SMUG1: variants seen among roughly 807,000 people sequenced by gnomAD.
SMUG1 encodes single-strand selective monofunctional uracil DNA glycosylase.
A neutral mutation model predicts 23.9 loss-of-function variants in SMUG1; 13 were observed. That is an observed-to-expected ratio of 0.54 (90% confidence interval 0.35 to 0.86). The LOEUF is 0.86. Ranked by LOEUF, SMUG1 falls within the 40% of genes least tolerant of loss-of-function variation. The probability of loss-of-function intolerance (pLI) is 0.01; values close to 1 mark genes in which losing one functional copy is unlikely to be tolerated. For missense variants in SMUG1, 313 were observed against 339.5 expected, an observed-to-expected ratio of 0.92 and a Z score of 0.61; for synonymous variants, 133 against 139.8, an observed-to-expected ratio of 0.95 and a Z score of 0.34.
rs537247712 is a variant in SMUG1 at position 54,170,106 on chromosome 12, G to T, written c.*52+1919C>A. On this transcript the variant is annotated intron_variant and NMD_transcript_variant, in intron 3 of 4. Transcript: ENST00000509864. ...CCAGCTACTCGGGAGGCTGGGGCAG[G>T]AGAATCACTTGAACCTGGGAGGCAG... Among the ~76,000 whole-genome samples, 170 of 152,118 alleles carry T rather than the reference G, an allele frequency of 1.1e-3. 1 individual carries two copies. Among genetic ancestry groups the T allele is most frequent in the African/African-American group, 4.0e-3 (165 of 41,506 alleles).
rs1942156400 is a variant in SMUG1, at chr12:54,185,481, ATAAAAAAT to A, written c.-19-1530_-19-1523del. Among the ~76,000 whole-genome samples the A allele has an allele frequency of 3.1e-5, 3 of 95,940 alleles. 1 individual carries two copies. Among genetic ancestry groups the A allele is most frequent in the African/African-American group, 1.1e-4 (3 of 26,234 alleles). 62.9% of individuals were successfully genotyped at this position (95,940 alleles called of 152,430 possible). A position where few individuals can be genotyped will look rare whatever the true frequency, so the allele number is the denominator to read the frequency against. On this transcript the variant is annotated intron_variant, in intron 2 of 3. Transcript: ENST00000682136. ...AGACTCCATCTCAAAAAAAAATAAA[ATAAAAAAT>A]AAATAAATAAATAAATAAATAAATA...
At position 54,167,220 on chromosome 12, in the gene SMUG1, C is replaced by T. The variant is rs151120137; in HGVS notation, c.*53-1742G>A. 1.9e-3 allele frequency among the ~76,000 whole-genome samples: 294 copies of T among 152,238 alleles called. 1 individual carries two copies. Among genetic ancestry groups the T allele is most frequent in the African/African-American group, 6.7e-3 (278 of 41,536 alleles). ...CATGAAAAATGGCCTCCTTATTTTCCCCTTCCTCTCCCTTGCCTGAGGCAT... is the reference window on the plus strand; with the variant it reads ...CATGAAAAATGGCCTCCTTATTTTCTCCTTCCTCTCCCTTGCCTGAGGCAT... On this transcript the variant is annotated intron_variant and NMD_transcript_variant, in intron 3 of 4. Transcript: ENST00000509864.
downstream of SMUG1, among the ~76,000 whole-genome samples, chr12:54,175,681 G>A (rs1308981256): frequency 6.6e-6 from 1 of 152,106 alleles, no homozygotes; most frequent in Non-Finnish European, 1.5e-5. Context: ...CATGCTTTCA[G>A]CTTGATTTAT....
downstream of SMUG1, among the ~76,000 whole-genome samples, chr12:54,176,346 C>T (rs1175741661): frequency 6.6e-6 from 1 of 151,574 alleles, no homozygotes; most frequent in Admixed American, 6.6e-5. Context: ...ATAGTGAAAC[C>T]CCGTCTCTAC....
chr12:54,183,922 G>T lies in SMUG1; in HGVS notation c.19C>A (p.Leu7Met), dbSNP rs995917971. The stretch of plus-strand genomic sequence containing the variant: ...CCTGCAGGCTCATGGATGGACCCCA[G>T]CAGGAAAGCCTGGGGCATATGTCCA... MPQAFLLGSIHEPAGAL... is the reference protein window; with the variant it reads MPQAFLMGSIHEPAGAL... Residue 7 changes from leucine to methionine, a missense_variant, in exon 3 of 4, where the codon CTG (leucine) becomes ATG (methionine). Physicochemically the swap from Leu to Met is conservative, Grantham distance 15. Coordinates refer to ENST00000682136, the MANE Select transcript of SMUG1 (RefSeq NM_001243787.2). 6.3e-7 allele frequency: 1 copy of T among 1,580,960 alleles called. No homozygotes were observed. The highest frequency in any genetic ancestry group is 8.6e-7 in the Non-Finnish European group (1 of 1,163,636).
intron 3 of SMUG1, among the ~76,000 whole-genome samples, chr12:54,170,798 T>C (rs1341006765): frequency 1.3e-5 from 2 of 152,160 alleles, no homozygotes; most frequent in African/African-American, 2.4e-5. Flanking sequence ...GGTCTCACTA[T>C]GTTGCACAGG....
In SMUG1 at chr12:54,183,715, G is replaced by C. The variant is rs762066825; in HGVS notation, c.226C>G (p.Pro76Ala). 1 of 1,613,968 alleles carries C rather than the reference G, an allele frequency of 6.2e-7. No homozygotes were observed. The highest frequency in any genetic ancestry group is 1.1e-5 in the South Asian group (1 of 91,074). Residue 76 changes from proline (P) to alanine (A), a missense_variant, in exon 3 of 4, where the codon CCC becomes GCC. Transcript: ENST00000682136. ...RNYVTRYCQG[P>A]KEVLFLGMNP... Reference sequence around the variant, plus strand: ...ATGCCCAGGAAGAGTACTTCCTTGGGGCCCTGGCAGTAGCGAGTCACGTAG... The same window carrying C: ...ATGCCCAGGAAGAGTACTTCCTTGGCGCCCTGGCAGTAGCGAGTCACGTAG...
chr12:54,179,205 CAGCCTATTGT>C (rs1940825634), downstream of SMUG1, among the ~76,000 whole-genome samples: 1 of 152,198 alleles, frequency 6.6e-6, no homozygotes, highest in Non-Finnish European at 1.5e-5. Context: ...AACTTGCAGA[CAGCCTATTGT>C]GGGACTTCGC....
chr12:54,185,476 ATAAAAT>A lies in SMUG1; in HGVS notation c.-19-1523_-19-1518del, dbSNP rs1374166787. On this transcript the variant is annotated intron_variant, in intron 2 of 3. Transcript: ENST00000682136. Reference sequence around the variant, plus strand: ...GAGCAAGACTCCATCTCAAAAAAAAATAAAATAAAAAATAAATAAATAAATAAATAA... The same window carrying A: ...GAGCAAGACTCCATCTCAAAAAAAAAAAAAAATAAATAAATAAATAAATAA... 6.4e-4 allele frequency among the ~76,000 whole-genome samples: 66 copies of A among 102,828 alleles called. 9 individuals carry two copies. The highest frequency in any genetic ancestry group is 9.8e-3 in the Middle Eastern group (2 of 204). 67.5% of individuals were successfully genotyped at this position (102,828 alleles called of 152,430 possible).
intron 2 of SMUG1, chr12:54,175,265 CTT>C (rs1940725277): frequency 6.6e-6 from 1 of 152,252 alleles, no homozygotes; most frequent in South Asian, 2.1e-4. Context: ...CATTTCCAGT[CTT>C]TTTTGATCTG....
downstream of SMUG1, among the ~76,000 whole-genome samples, chr12:54,176,219 T>C (rs1170021059): frequency 4.4e-5 from 6 of 135,116 alleles, no homozygotes; most frequent in Non-Finnish European, 9.5e-5. Context: ...AGAGCAAAAC[T>C]CCATCTAAAA....
chr12:54,161,665 T>C (rs1940268218), downstream of SMUG1, among the ~76,000 whole-genome samples: 5 of 152,234 alleles, frequency 3.3e-5, no homozygotes, highest in Admixed American at 3.3e-4. The surrounding 1 kb of genome is among the most constrained non-coding windows in gnomAD (Gnocchi z 4.2). Context: ...TTCCCGCCTC[T>C]CTCCTTTACC....
chr12:54,183,479 A>T (rs1941587771), intron 3 of SMUG1, 177 bp downstream of exon 3: 9 of 638,532 alleles, frequency 1.4e-5, no homozygotes, highest in Admixed American at 5.5e-5. Flanking sequence ...AATTACGGGC[A>T]GAGACGCTGG....
At chr12:54,173,772 C>A (rs527660799) in intron 2 of SMUG1, among the ~76,000 whole-genome samples, 219 of 150,324 alleles carry the variant, frequency 1.5e-3, no homozygotes, top group African/African-American at 5.0e-3. Flanking sequence ...ACGCTCCCCC[C>A]ACCCAGACAG....
chr12:54,187,302 G>A (rs896503944), intron 2 of SMUG1: 3 of 152,236 alleles, frequency 2.0e-5, no homozygotes, highest in African/African-American at 7.2e-5. Flanking sequence ...TAGCCTAGGG[G>A]AAGTGGGAGA....
chr12:54,184,201 T>G (rs1016009751), intron 2 of SMUG1: 9 of 367,244 alleles, frequency 2.5e-5, no homozygotes, highest in Admixed American at 4.5e-5. Flanking sequence ...GGATAAGCCA[T>G]AGCCACCAAA....
intron 3 of SMUG1, 82 bp downstream of exon 3, chr12:54,183,574 A>T: frequency 1.4e-6 from 2 of 1,426,018 alleles, no homozygotes; most frequent in South Asian, 2.3e-5. Context: ...AGCCATGCAC[A>T]TGCTCCTTCT....
At chr12:54,188,294 T>TAATAATAATAATAATAAA (rs1565844256) in intron 1 of SMUG1, among the ~76,000 whole-genome samples, 2 of 50,204 alleles carry the variant, frequency 4.0e-5, no homozygotes, top group African/African-American at 1.4e-4. Flanking sequence ...ATAATAATAA[T>TAATAATAATAATAATAAA]AAATAATAAT....
At chr12:54,176,542 C>T (rs950949846), downstream of SMUG1, among the ~76,000 whole-genome samples, 1 of 123,008 alleles carries the variant, frequency 8.1e-6, no homozygotes, top group African/African-American at 3.0e-5. Context: ...CACGGTGGCT[C>T]ATGCCTGTGA....
Sources: gnomAD v4.1 joint callset for allele counts (sites outside exome capture counted in the v4.1 genomes callset) on GRCh38, gnomAD v4.1.1 for gene constraint, Gnocchi (gnomAD v3.1) non-coding constraint, MANE v1.5 for transcripts, NCBI Gene and HGNC (gene_info 2026-07-23, HGNC 2026-07-21) for gene names.